CCBE1: variants seen among roughly 807,000 people sequenced by gnomAD.
The protein encoded by CCBE1 is collagen and calcium-binding EGF domain-containing protein 1.
In CCBE1, 37 loss-of-function variants were observed where a neutral mutation model predicts 50.0. That is an observed-to-expected ratio of 0.74 (90% CI 0.57 to 0.97). CCBE1 has a LOEUF of 0.97. Among genes scored for constraint, CCBE1 ranks in the 50% least tolerant of loss-of-function variants. CCBE1 has a pLI of 0.00. For missense variants in CCBE1, 538 were observed against 523.8 expected (o/e 1.03, Z -0.26); for synonymous variants, 234 against 203.7 (o/e 1.15, Z -1.27).
In CCBE1 at chr18:59,474,115, C is replaced by T. The variant is rs141974812; in HGVS notation, c.266-4508G>A. Among the ~76,000 whole-genome samples, 33 of 152,314 alleles carry T rather than the reference C, an allele frequency of 2.2e-4. 1 individual carries two copies. In the Middle Eastern group the frequency reaches 0.01, roughly 47 times the overall value. ...AGTATTCCATGGTGTATATGTACCA[C>T]ATTTTCTTTATCCAATCCACTACTA... On this transcript the variant is annotated intron_variant, in intron 3 of 10. Coordinates refer to ENST00000439986, the MANE Select transcript of CCBE1 (RefSeq NM_133459.4).
chr18:59,473,817 C>T (rs1267604970), intron 3 of CCBE1, among the ~76,000 whole-genome samples: 66 of 142,440 alleles, frequency 4.6e-4, no homozygotes, highest in Non-Finnish European at 7.9e-4. Flanking sequence ...CCACTATTCC[C>T]CCCTACTACT....
intron 2 of CCBE1, among the ~76,000 whole-genome samples, chr18:59,621,196 A>T (rs1355880079): frequency 1.3e-5 from 2 of 152,208 alleles, no homozygotes; most frequent in East Asian, 3.8e-4. Context: ...CCCAGCTCTG[A>T]AAGAAACAGC....
intron 2 of CCBE1, among the ~76,000 whole-genome samples, chr18:59,610,981 A>G (rs989267255): frequency 1.3e-5 from 2 of 152,246 alleles, no homozygotes; most frequent in Admixed American, 1.3e-4. Flanking sequence ...CCTTTGAATC[A>G]GGTACACTCA....
At chr18:59,480,714 C>T (rs1264853681) in intron 2 of CCBE1, among the ~76,000 whole-genome samples, 2 of 151,168 alleles carry the variant, frequency 1.3e-5, no homozygotes, top group South Asian at 2.1e-4. Flanking sequence ...CTATTAAGAC[C>T]AAGACTGGAA....
intron 2 of CCBE1, among the ~76,000 whole-genome samples, chr18:59,599,715 C>T (rs1489734240): frequency 6.6e-6 from 1 of 152,108 alleles, no homozygotes; most frequent in Non-Finnish European, 1.5e-5. Context: ...TCATTTGTAC[C>T]ACAGGAGCAA....
At chr18:59,696,846 C>T in intron 1 of CCBE1, 137 bp from the exon 2 acceptor site, 5 of 966,990 alleles carry the variant, frequency 5.2e-6, no homozygotes, top group South Asian at 2.7e-5. Flanking sequence ...GGTCCCCAAA[C>T]GCGTACGCGG....
intron 2 of CCBE1, among the ~76,000 whole-genome samples, chr18:59,689,531 C>G (rs1413220338): frequency 2.0e-5 from 3 of 152,166 alleles, no homozygotes; most frequent in African/African-American, 4.8e-5. Context: ...TCACTACCAC[C>G]CCATTCTCTA....
chr18:59,692,956 GCACACACACACACACACACACA>G (rs59496597), intron 2 of CCBE1, among the ~76,000 whole-genome samples: 28 of 86,968 alleles, frequency 3.2e-4, no homozygotes, highest in African/African-American at 9.6e-4. Flanking sequence ...TCAAGCCAAA[GCACACACACACACACACACACA>G]CACACACACA....
At chr18:59,502,655 G>A (rs138568186) in intron 2 of CCBE1, among the ~76,000 whole-genome samples, 19 of 152,148 alleles carry the variant, frequency 1.2e-4, no homozygotes, top group African/African-American at 4.6e-4. Flanking sequence ...AAGCTAACAT[G>A]TTTTGGCTTT....
intron 3 of CCBE1, among the ~76,000 whole-genome samples, chr18:59,473,113 C>G (rs1030357019): frequency 6.6e-6 from 1 of 152,206 alleles, no homozygotes; most frequent in African/African-American, 2.4e-5. Context: ...TTCCAGTTTA[C>G]TCCCTCATTT....
At chr18:59,535,466 A>C (rs920803143) in intron 2 of CCBE1, among the ~76,000 whole-genome samples, 5 of 152,220 alleles carry the variant, frequency 3.3e-5, no homozygotes, top group African/African-American at 1.2e-4. Context: ...AAATTAGCAT[A>C]ATCACCATGA....
intron 2 of CCBE1, among the ~76,000 whole-genome samples, chr18:59,643,537 G>A (rs191119209): frequency 3.3e-5 from 5 of 152,284 alleles, no homozygotes; most frequent in African/African-American, 7.2e-5. Context: ...GGTGGCTCAC[G>A]CTTATAATCC....
chr18:59,487,684 C>T (rs1912888724), intron 2 of CCBE1, among the ~76,000 whole-genome samples: 1 of 152,218 alleles, frequency 6.6e-6, no homozygotes, highest in South Asian at 2.1e-4. Context: ...ATTACCAAAT[C>T]TCTGTGGCAG....
chr18:59,620,648 T>G (rs1395008062), intron 2 of CCBE1, among the ~76,000 whole-genome samples: 1 of 152,172 alleles, frequency 6.6e-6, no homozygotes, highest in Non-Finnish European at 1.5e-5. Context: ...ATTCTCATAA[T>G]AGTGAATAAG....
chr18:59,678,803 G>T (rs1242093156), intron 2 of CCBE1, among the ~76,000 whole-genome samples: 1 of 152,106 alleles, frequency 6.6e-6, no homozygotes, highest in East Asian at 1.9e-4. Flanking sequence ...AAAGTGCTGA[G>T]GTTACAGGCA....
chr18:59,455,181 T>C (rs1911132431), intron 5 of CCBE1: 2 of 630,670 alleles, frequency 3.2e-6, no homozygotes, highest in African/African-American at 1.8e-5. Context: ...GCTCAGCTGT[T>C]CCTATTTAGA....
chr18:59,692,875 A>G (rs978859842), intron 2 of CCBE1, among the ~76,000 whole-genome samples: 5 of 61,234 alleles, frequency 8.2e-5, no homozygotes, highest in Non-Finnish European at 2.0e-4. Flanking sequence ...GTGGAGTTCC[A>G]TGAACCCCAA....
At chr18:59,603,951 T>C (rs1006699258) in intron 2 of CCBE1, among the ~76,000 whole-genome samples, 1 of 152,212 alleles carries the variant, frequency 6.6e-6, no homozygotes, top group Non-Finnish European at 1.5e-5. Flanking sequence ...GCCTTTGTAG[T>C]GCTGTTGTAA....
intron 2 of CCBE1, among the ~76,000 whole-genome samples, chr18:59,577,160 A>T (rs1158051486): frequency 6.6e-6 from 1 of 152,176 alleles, no homozygotes; most frequent in African/African-American, 2.4e-5. Context: ...TGTGGAAGAA[A>T]ATAGGAAAGG....
Sources: gnomAD v4.1 joint callset for allele counts (sites outside exome capture counted in the v4.1 genomes callset) on GRCh38, gnomAD v4.1.1 for gene constraint, MANE v1.5 for transcripts, NCBI Gene and HGNC (gene_info 2026-07-23, HGNC 2026-07-21) for gene names.